CSNK1G3: variants seen among roughly 807,000 people sequenced by gnomAD.
CSNK1G3 encodes the protein casein kinase 1 gamma 3, also known as casein kinase I isoform gamma-3.
CSNK1G3 carries 23 observed loss-of-function variants against 64.3 expected under a neutral mutation model. The ratio of observed to expected loss-of-function variants is 0.36; its 90% CI spans 0.26 to 0.51. The LOEUF is 0.51. Among genes scored for constraint, CSNK1G3 ranks in the 20% least tolerant of loss-of-function variants. The pLI is 0.96. For missense variants in CSNK1G3, 357 were observed against 510.5 expected (o/e 0.70, Z 2.90); for synonymous variants, 158 against 162.2 (o/e 0.97, Z 0.20).
chr5:123,582,143 T>G (rs1398779843), intron 6 of CSNK1G3, among the ~76,000 whole-genome samples: 2 of 152,072 alleles, frequency 1.3e-5, no homozygotes, highest in Admixed American at 1.3e-4. Context: ...TGAATTGAAA[T>G]TTCAATTGAA....
chr5:123,539,468 G>A (rs1432847453), intron 1 of CSNK1G3, among the ~76,000 whole-genome samples: 1 of 151,138 alleles, frequency 6.6e-6, no homozygotes, highest in Non-Finnish European at 1.5e-5. Context: ...TTATCCCTGT[G>A]GGTTTTCTTT....
chr5:123,585,337 T>A (rs947309367), intron 6 of CSNK1G3, among the ~76,000 whole-genome samples: 1 of 152,078 alleles, frequency 6.6e-6, no homozygotes. Context: ...GTAATAGGTT[T>A]AAATGTAGGA....
chr5:123,583,591 C>T (rs1790763993), intron 6 of CSNK1G3, among the ~76,000 whole-genome samples: 1 of 152,044 alleles, frequency 6.6e-6, no homozygotes, highest in South Asian at 2.1e-4. Context: ...CTCGAACTCC[C>T]AACCTCAGGT....
chr5:123,588,605 A>G (rs902428123), intron 8 of CSNK1G3, 94 bp downstream of exon 8: 24 of 576,972 alleles, frequency 4.2e-5, no homozygotes, highest in African/African-American at 4.1e-4. Flanking sequence ...TTCTATGCTT[A>G]AAAAAAAAAG....
chr5:123,552,296 C>A (rs553731819), intron 2 of CSNK1G3, among the ~76,000 whole-genome samples: 22 of 152,144 alleles, frequency 1.4e-4, no homozygotes, highest in Admixed American at 3.3e-4. Context: ...CAGGCGTGCG[C>A]CACCATGCCT....
At chr5:123,592,247 C>T (rs1461311803) in intron 10 of CSNK1G3, among the ~76,000 whole-genome samples, 1 of 151,628 alleles carries the variant, frequency 6.6e-6, no homozygotes, top group African/African-American at 2.4e-5. Flanking sequence ...AAATATGAAG[C>T]AGAAGTTTAA....
At chr5:123,571,487 C>T (rs1043778908) in intron 4 of CSNK1G3, among the ~76,000 whole-genome samples, 1 of 152,008 alleles carries the variant, frequency 6.6e-6, no homozygotes, top group South Asian at 2.1e-4. Flanking sequence ...ATATTCATAT[C>T]TGAGAAATAC....
intron 12 of CSNK1G3, among the ~76,000 whole-genome samples, chr5:123,607,197 A>C (rs1021275107): frequency 3.3e-5 from 5 of 152,072 alleles, no homozygotes; most frequent in Admixed American, 3.3e-4. Flanking sequence ...GGCTTCTCAT[A>C]CCTGTCATAG....
intron 4 of CSNK1G3, among the ~76,000 whole-genome samples, chr5:123,569,199 A>T (rs1405576824): frequency 3.9e-5 from 6 of 152,190 alleles, no homozygotes; most frequent in Non-Finnish European, 8.8e-5. Context: ...AAGCAAAAGG[A>T]TAGAGTAATT....
chr5:123,582,088 G>T (rs978017309), intron 6 of CSNK1G3, among the ~76,000 whole-genome samples: 15 of 152,030 alleles, frequency 9.9e-5, no homozygotes, highest in African/African-American at 3.6e-4. Context: ...GTGAGGCATC[G>T]ATAAATTTGA....
At chr5:123,542,848 T>TTGTG (rs1561485591) in intron 1 of CSNK1G3, among the ~76,000 whole-genome samples, 2 of 91,906 alleles carry the variant, frequency 2.2e-5, no homozygotes, top group Admixed American at 1.0e-4. Context: ...TGCCTAGATT[T>TTGTG]AGTGTGTGTG....
chr5:123,530,228 G>C (rs1398646876), intron 1 of CSNK1G3, among the ~76,000 whole-genome samples: 3 of 152,060 alleles, frequency 2.0e-5, no homozygotes, highest in Admixed American at 6.6e-5. Flanking sequence ...ACATTTTGAG[G>C]ACCTATGAAA....
intron 8 of CSNK1G3, among the ~76,000 whole-genome samples, chr5:123,589,211 T>A (rs1056340732): frequency 1.3e-5 from 2 of 152,294 alleles, no homozygotes; most frequent in East Asian, 3.9e-4. Context: ...TTCTCCTGTA[T>A]AATGCTGGCG....
At chr5:123,569,001 A>C (rs1232813262) in intron 4 of CSNK1G3, among the ~76,000 whole-genome samples, 1 of 152,238 alleles carries the variant, frequency 6.6e-6, no homozygotes, top group Non-Finnish European at 1.5e-5. Flanking sequence ...ATCAAACAGC[A>C]ATTTGCAACA....
chr5:123,572,796 A>T (rs1049274490), intron 4 of CSNK1G3, among the ~76,000 whole-genome samples: 4 of 152,214 alleles, frequency 2.6e-5, no homozygotes, highest in Non-Finnish European at 4.4e-5. Flanking sequence ...TCTCACCTGA[A>T]TAGGTCAGGT....
intron 1 of CSNK1G3, among the ~76,000 whole-genome samples, chr5:123,531,602 A>G (rs1056997130): frequency 1.3e-5 from 2 of 152,044 alleles, no homozygotes; most frequent in African/African-American, 4.8e-5. Flanking sequence ...TAAATTATTT[A>G]TATTCATTCT....
chr5:123,545,755 C>T (rs1188779695), exon 2 of CSNK1G3: 1 of 1,613,406 alleles, frequency 6.2e-7, no homozygotes, highest in African/African-American at 1.3e-5. Context: ...GGAACTGGGT[C>T]TTCATCGTCT....
intron 10 of CSNK1G3, chr5:123,595,108 GCAGA>G (rs759676356): frequency 3.1e-6 from 5 of 1,613,594 alleles, no homozygotes; most frequent in Non-Finnish European, 4.2e-6. Flanking sequence ...TCACCTTGCA[GCAGA>G]CAGACATGGT....
intron 11 of CSNK1G3, 108 bp downstream of exon 12, chr5:123,604,938 G>T (rs1355703414): frequency 3.9e-6 from 3 of 777,836 alleles, no homozygotes; most frequent in Non-Finnish European, 6.3e-6. Context: ...CAGGGAATAG[G>T]TGCATGCAAA....
Sources: gnomAD v4.1 joint callset for allele counts (sites outside exome capture counted in the v4.1 genomes callset) on GRCh38, gnomAD v4.1.1 for gene constraint, MANE v1.5 for transcripts, NCBI Gene and HGNC (gene_info 2026-07-23, HGNC 2026-07-21) for gene names.